The following MGME1 variants were observed in gnomAD, a reference collection of about 807,000 sequenced individuals.
The protein encoded by MGME1 is mitochondrial genome maintenance exonuclease 1, also known as chromosome 20 open reading frame 72.
Under a neutral mutation model 33.0 loss-of-function variants are expected in MGME1, and 22 were observed. That is an observed-to-expected ratio of 0.67 (90% CI 0.48 to 0.95). The LOEUF is 0.95. Among genes scored for constraint, MGME1 ranks in the 40% least tolerant of loss-of-function variants. MGME1 has a pLI of 0.00. For synonymous variants in MGME1, 133 were observed against 144.0 expected, an observed-to-expected ratio of 0.92 and a Z score of 0.55; for missense variants, 383 against 397.8, an observed-to-expected ratio of 0.96 and a Z score of 0.32.
At position 17,981,581 on chromosome 20, in the gene MGME1, G is replaced by A. The variant is rs968782185; in HGVS notation, c.731+5678G>A. ...TAATCTAGAACTGGGAAGGAAGTATGATCCTCACCTCAGCCTCCCAAAGTG... is the reference window on the plus strand; with the variant it reads ...TAATCTAGAACTGGGAAGGAAGTATAATCCTCACCTCAGCCTCCCAAAGTG... On this transcript the variant is annotated intron_variant, in intron 3 of 4. Transcript: ENST00000377710. Among the ~76,000 whole-genome samples the A allele has an allele frequency of 3.3e-4, 50 of 152,034 alleles. 1 individual carries two copies. Among genetic ancestry groups the A allele is most frequent in the Non-Finnish European group, 7.4e-5 (5 of 68,018 alleles).
rs896765809 is a variant in MGME1 at position 17,990,422 on chromosome 20, G to A, written c.*313G>A. ...CCTTGAGGGACATTGGGGGGGGGGG[G>A]GCGTGGTCCCAGGCAGGATGCCCAG... On this transcript the variant is annotated 3_prime_UTR_variant, in exon 5 of 5. Transcript: ENST00000377710. 1 of 302,114 alleles carries A rather than the reference G, an allele frequency of 3.3e-6. No homozygotes were observed. 18.7% of individuals were successfully genotyped at this position (302,114 alleles called of 1,614,324 possible).
intron 3 of MGME1, among the ~76,000 whole-genome samples, chr20:17,979,708 A>G (rs2122559636): frequency 1.3e-5 from 2 of 149,366 alleles, no homozygotes; most frequent in Middle Eastern, 7.3e-3. Context: ...GAGCCACCGC[A>G]CCGGGCCTAA....
intron 3 of MGME1, among the ~76,000 whole-genome samples, chr20:17,980,437 T>G (rs1431266813): frequency 6.6e-6 from 1 of 152,102 alleles, no homozygotes; most frequent in Non-Finnish European, 1.5e-5. Flanking sequence ...TATGACCATA[T>G]GTACAATCAT....
rs928824046 is a variant in MGME1, at chr20:17,990,606, A to G, written c.*497A>G. ...CCAATGCCTAAAACTTGTTTCATAC[A>G]TTGGGGTTTTCTATATATTTCAGCT... On this transcript the variant is annotated 3_prime_UTR_variant, in exon 5 of 5. Transcript: ENST00000377710. 1 of 159,514 alleles carries G rather than the reference A, an allele frequency of 6.3e-6. No homozygotes were observed. Among genetic ancestry groups the G allele is most frequent in the African/African-American group, 2.4e-5 (1 of 41,628 alleles). 9.9% of individuals were successfully genotyped at this position (159,514 alleles called of 1,614,324 possible). A position where few individuals can be genotyped will look rare whatever the true frequency, so the allele number is the denominator to read the frequency against.
At chr20:17,975,581 T>C in intron 2 of MGME1, 103 bp from the exon 3 acceptor site, 1 of 837,358 alleles carries the variant, frequency 1.2e-6, no homozygotes, top group Non-Finnish European at 1.9e-6. Flanking sequence ...AAAAAAAATG[T>C]CATTTTTAAT....
At chr20:17,985,144 C>T (rs180844080) in intron 3 of MGME1, among the ~76,000 whole-genome samples, 1 of 152,148 alleles carries the variant, frequency 6.6e-6, no homozygotes, top group Admixed American at 6.5e-5. Context: ...AAAGAAGTGG[C>T]CGGGCATGGT....
chr20:17,970,466 C>T (rs2035699065), intron 2 of MGME1, 96 bp downstream of exon 2: 4 of 1,308,960 alleles, frequency 3.1e-6, no homozygotes, highest in Non-Finnish European at 4.2e-6. Context: ...GTTTTTTTAA[C>T]TTACTAGCAA....
chr20:17,978,532 A>G (rs145152829), intron 3 of MGME1, among the ~76,000 whole-genome samples: 205 of 152,050 alleles, frequency 1.3e-3, no homozygotes, highest in African/African-American at 4.6e-3. Flanking sequence ...TTATAGCACA[A>G]CTGCGTCATA....
chr20:17,972,853 G>A, intron 2 of MGME1: 3 of 844,902 alleles, frequency 3.6e-6, no homozygotes, highest in Non-Finnish European at 4.3e-6. Flanking sequence ...TTAACCTAGT[G>A]TGTAGATGAA....
At chr20:17,969,250 C>T (rs534439705) in intron 1 of MGME1, 109 bp downstream of exon 1, 12 of 152,358 alleles carry the variant, frequency 7.9e-5, no homozygotes, top group Non-Finnish European at 1.8e-4. Flanking sequence ...GGTCCGCACC[C>T]ACGGCGGAGC....
At chr20:17,980,759 A>T (rs920918221) in intron 3 of MGME1, among the ~76,000 whole-genome samples, 29 of 151,798 alleles carry the variant, frequency 1.9e-4, no homozygotes, top group Non-Finnish European at 3.7e-4. Flanking sequence ...CAGTGAGCTG[A>T]GATCACGCCA....
At chr20:17,968,770 C>T (rs151018697), upstream of MGME1, 602 of 333,864 alleles carry the variant, frequency 1.8e-3, 2 homozygotes, top group Non-Finnish European at 2.9e-3. Flanking sequence ...CGGACACTCT[C>T]CCAGCAAGAC....
chr20:17,977,689 T>C (rs1415639122), intron 3 of MGME1, among the ~76,000 whole-genome samples: 1 of 152,218 alleles, frequency 6.6e-6, no homozygotes, highest in Non-Finnish European at 1.5e-5. Context: ...GCCTTCGTTC[T>C]CCAGATATCA....
chr20:17,983,631 C>T (rs191480356), intron 3 of MGME1, among the ~76,000 whole-genome samples: 1 of 152,192 alleles, frequency 6.6e-6, no homozygotes, highest in Admixed American at 6.5e-5. Context: ...TTGATAATAG[C>T]CATTCTAACA....
At chr20:17,989,604 A>G (rs6136252) in intron 4 of MGME1, among the ~76,000 whole-genome samples, 102,311 of 150,328 alleles carry the variant, frequency 0.68, 34,944 homozygotes, top group African/African-American at 0.75. Flanking sequence ...TCGAGGGTGC[A>G]ACGAGCCGAG....
At chr20:17,981,057 C>T (rs2036004594) in intron 3 of MGME1, among the ~76,000 whole-genome samples, 1 of 152,104 alleles carries the variant, frequency 6.6e-6, no homozygotes, top group African/African-American at 2.4e-5. Flanking sequence ...GCACTACCTC[C>T]TTCTAGTCTG....
intron 3 of MGME1, among the ~76,000 whole-genome samples, chr20:17,978,916 A>G (rs540806980): frequency 1.3e-5 from 2 of 151,954 alleles, no homozygotes; most frequent in Admixed American, 6.6e-5. Context: ...GGCTAGGACT[A>G]CAGGCACCCA....
At chr20:17,968,682 A>T, upstream of MGME1, 1 of 571,706 alleles carries the variant, frequency 1.7e-6, no homozygotes, top group Non-Finnish European at 3.2e-6. Context: ...CCGGGCAAAG[A>T]CGCCACGTGG....
chr20:17,987,894 CAA>C (rs1267064627), intron 3 of MGME1, among the ~76,000 whole-genome samples: 1 of 150,852 alleles, frequency 6.6e-6, no homozygotes, highest in African/African-American at 2.4e-5. Flanking sequence ...TTATTTGATG[CAA>C]AAAAAGAGGG....
Sources: gnomAD v4.1 joint callset for allele counts (sites outside exome capture counted in the v4.1 genomes callset) on GRCh38, gnomAD v4.1.1 for gene constraint, MANE v1.5 for transcripts, NCBI Gene and HGNC (gene_info 2026-07-23, HGNC 2026-07-21) for gene names.